The following SGMS1 variants were observed in gnomAD, a reference collection of about 807,000 sequenced individuals.
The protein encoded by SGMS1 is sphingomyelin synthase 1.
Under a neutral mutation model 46.2 loss-of-function variants are expected in SGMS1, and 13 were observed. The observed-to-expected ratio is 0.28, with a 90% CI of 0.18 to 0.45. The LOEUF is 0.45. SGMS1 is among the 20% of genes least tolerant of loss of function. SGMS1 has a pLI of 1.00. For synonymous variants in SGMS1, 203 were observed against 187.8 expected, an observed-to-expected ratio of 1.08 and a Z score of -0.66; for missense variants, 324 against 519.9, an observed-to-expected ratio of 0.62 and a Z score of 3.66.
intron 2 of SGMS1, among the ~76,000 whole-genome samples, chr10:50,543,476 T>C (rs765308015): frequency 4.6e-5 from 7 of 152,162 alleles, no homozygotes; most frequent in Non-Finnish European, 8.8e-5. Context: ...GAAACAAATA[T>C]GTGGTAGAGG....
intron 8 of SGMS1, 52 bp downstream of exon 8, chr10:50,327,153 G>T: frequency 1.8e-6 from 2 of 1,128,696 alleles, no homozygotes; most frequent in South Asian, 1.3e-5. Flanking sequence ...AAGGACCCCA[G>T]GGCAAGACAA....
chr10:50,436,494 C>T lies in SGMS1; in HGVS notation c.-312-2938G>A, dbSNP rs149403091. Among the ~76,000 whole-genome samples, 55 of 152,218 alleles carry T rather than the reference C, an allele frequency of 3.6e-4. 1 individual carries two copies. The East Asian group carries it at 4.6e-3, about 13-fold the overall frequency. On this transcript the variant is annotated intron_variant, in intron 5 of 10. Transcript: ENST00000361781. Reference sequence around the variant, plus strand: ...CATTTAAAAGAATGCAGAACACTGGCGGTATCACTGGAATATAAGCAATTA... The same window carrying T: ...CATTTAAAAGAATGCAGAACACTGGTGGTATCACTGGAATATAAGCAATTA...
At chr10:50,359,308 T>A (rs1848208030) in intron 6 of SGMS1, among the ~76,000 whole-genome samples, 1 of 152,216 alleles carries the variant, frequency 6.6e-6, no homozygotes, top group South Asian at 2.1e-4. Flanking sequence ...ATCTGAAATA[T>A]ATTTCTCTCA....
At chr10:50,421,563 T>C (rs1194367469) in intron 6 of SGMS1, among the ~76,000 whole-genome samples, 3 of 152,128 alleles carry the variant, frequency 2.0e-5, no homozygotes, top group Non-Finnish European at 4.4e-5. Context: ...AAATTTAAAC[T>C]GACCACCTCT....
Position 50,607,070 on chromosome 10 carries a change from T to C in SGMS1, c.-684+16637A>G, listed in dbSNP as rs1404591427. Among the ~76,000 whole-genome samples the C allele has an allele frequency of 3.9e-5, 6 of 151,916 alleles. No individual in the cohort carries two copies. The East Asian group carries it at 7.7e-4, about 20-fold the overall frequency. ...CACAGCTCGCTGCAGTCTCAACTTC[T>C]TGGGCTTAGGTGATCCTCCCACCTC... is the stretch of plus-strand genomic sequence containing the variant. On this transcript the variant is annotated intron_variant, in intron 1 of 10. Coordinates refer to ENST00000361781, the MANE Select transcript of SGMS1 (RefSeq NM_147156.4).
intron 4 of SGMS1, among the ~76,000 whole-genome samples, chr10:50,462,521 C>A (rs1016610717): frequency 4.6e-5 from 7 of 152,068 alleles, no homozygotes; most frequent in African/African-American, 1.4e-4. Context: ...GGTCACTTGA[C>A]AGAAACTGGC....
chr10:50,420,347 C>T (rs2133594623), intron 6 of SGMS1, among the ~76,000 whole-genome samples: 1 of 152,284 alleles, frequency 6.6e-6, no homozygotes, highest in South Asian at 2.1e-4. Flanking sequence ...ATTCCTGGTT[C>T]AGGCATTCGT....
At chr10:50,439,283 A>T (rs1391104857) in intron 5 of SGMS1, among the ~76,000 whole-genome samples, 3 of 152,212 alleles carry the variant, frequency 2.0e-5, no homozygotes, top group Admixed American at 6.5e-5. Flanking sequence ...CAGAGTATAC[A>T]GCTAAAACTC....
chr10:50,411,998 G>A lies in SGMS1; in HGVS notation c.-232+21478C>T, dbSNP rs117346591. Among the ~76,000 whole-genome samples, 1,085 of 152,272 alleles carry A rather than the reference G, an allele frequency of 7.1e-3. 3 individuals are homozygous for A. The highest frequency in any genetic ancestry group is 9.6e-3 in the Non-Finnish European group (656 of 68,024). On this transcript the variant is annotated intron_variant, in intron 6 of 10. Coordinates refer to ENST00000361781, the MANE Select transcript of SGMS1 (RefSeq NM_147156.4). ...CTGAGAAGTATGTTTTCATCTGTGC[G>A]CCAGTCACATTTCACATGCCCCTTA...
In SGMS1 at chr10:50,453,463, CAAGGACGGCTT is replaced by C. The variant is rs1185514787; in HGVS notation, c.-313+7199_-313+7209del. On this transcript the variant is annotated intron_variant, in intron 5 of 10. Transcript: ENST00000361781. ...TTAAAAATATAAAAATCCCTGTCAT[CAAGGACGGCTT>C]AAACAGCAGATTAGAAATAGCTGAA... 1.4e-4 allele frequency among the ~76,000 whole-genome samples: 21 copies of C among 151,200 alleles called. No homozygotes were observed. In the East Asian group the frequency reaches 3.5e-3, roughly 25 times the overall value.
At chr10:50,320,639 A>G (rs1847426343) in intron 8 of SGMS1, among the ~76,000 whole-genome samples, 2 of 152,324 alleles carry the variant, frequency 1.3e-5, no homozygotes, top group South Asian at 2.1e-4. Context: ...CACAAGATTG[A>G]CTGCCTGTCT....
At chr10:50,606,870 A>G (rs1270179240) in intron 1 of SGMS1, among the ~76,000 whole-genome samples, 1 of 152,214 alleles carries the variant, frequency 6.6e-6, no homozygotes, top group East Asian at 1.9e-4. Flanking sequence ...AATCTCCTGC[A>G]TCCATCAGCA....
chr10:50,430,957 G>A (rs186373015), intron 6 of SGMS1, among the ~76,000 whole-genome samples: 7 of 152,030 alleles, frequency 4.6e-5, no homozygotes, highest in East Asian at 1.9e-4. Flanking sequence ...TAAAATTTGC[G>A]CATCTAAAGA....
rs144320503 is a variant in SGMS1, at chr10:50,470,855, A to G, written c.-497-3923T>C. 4.7e-3 allele frequency among the ~76,000 whole-genome samples: 713 copies of G among 152,272 alleles called. 2 individuals are homozygous for G. The highest frequency in any genetic ancestry group is 7.7e-3 in the Non-Finnish European group (524 of 68,022). ...CATTAACTACCCTGGGAGTTCAGCA[A>G]CTTCCAAACTGGCCTCTCAAACCGG... On this transcript the variant is annotated intron_variant, in intron 3 of 10. Transcript: ENST00000361781.
At chr10:50,506,404 C>T (rs1193766299) in intron 3 of SGMS1, among the ~76,000 whole-genome samples, 2 of 152,056 alleles carry the variant, frequency 1.3e-5, no homozygotes, top group Admixed American at 6.5e-5. Flanking sequence ...CGTGTTCTTG[C>T]TCAAAGAAAA....
chr10:50,476,266 T>G (rs1466168427), intron 3 of SGMS1, among the ~76,000 whole-genome samples: 1 of 129,726 alleles, frequency 7.7e-6, no homozygotes, highest in Non-Finnish European at 1.5e-5. Context: ...AGAGCAAGAC[T>G]CTGTCTCAAA....
intron 3 of SGMS1, among the ~76,000 whole-genome samples, chr10:50,493,840 C>T (rs1373331923): frequency 6.6e-6 from 1 of 152,180 alleles, no homozygotes; most frequent in Admixed American, 6.5e-5. Context: ...CCCTATTGCC[C>T]AGGCTGGAGT....
intron 6 of SGMS1, among the ~76,000 whole-genome samples, chr10:50,431,209 C>A (rs774187184): frequency 1.3e-5 from 2 of 152,156 alleles, no homozygotes; most frequent in Non-Finnish European, 2.9e-5. Context: ...ATTTTAACCA[C>A]GAGCTTCCTC....
chr10:50,363,113 G>A (rs1865745), intron 6 of SGMS1, among the ~76,000 whole-genome samples: 106,581 of 151,992 alleles, frequency 0.7, 37,553 homozygotes, highest in Middle Eastern at 0.8. Context: ...TATTTCACTG[G>A]ACATATACAT....
Sources: gnomAD v4.1 joint callset for allele counts (sites outside exome capture counted in the v4.1 genomes callset) on GRCh38, gnomAD v4.1.1 for gene constraint, MANE v1.5 for transcripts, NCBI Gene and HGNC (gene_info 2026-07-23, HGNC 2026-07-21) for gene names.